The following PLXNA4 variants were observed in gnomAD, a reference collection of about 807,000 sequenced individuals.
PLXNA4 encodes the protein plexin-A4.
A neutral mutation model predicts 191.8 loss-of-function variants in PLXNA4; 44 were observed. That is an observed-to-expected ratio of 0.23 (90% CI 0.18 to 0.29). The LOEUF is 0.29. PLXNA4 is among the 10% of genes least tolerant of loss of function. PLXNA4 has a pLI of 1.00. For synonymous variants in PLXNA4, 1,082 were observed against 1,009.5 expected, an observed-to-expected ratio of 1.07 and a Z score of -1.36; for missense variants, 1,800 against 2,488.8, an observed-to-expected ratio of 0.72 and a Z score of 5.89.
At chr7:132,191,499 G>A (rs1000231133) in intron 14 of PLXNA4, among the ~76,000 whole-genome samples, 1 of 152,278 alleles carries the variant, frequency 6.6e-6, no homozygotes, top group South Asian at 2.1e-4. Context: ...GCCTGACTGG[G>A]GAAGCAGGGC....
intron 20 of PLXNA4, among the ~76,000 whole-genome samples, chr7:132,177,552 G>A (rs571663816): frequency 1.2e-4 from 18 of 152,312 alleles, no homozygotes; most frequent in South Asian, 2.1e-4. Flanking sequence ...GTTTCCTCCT[G>A]GGGCCTCAGC....
intron 2 of PLXNA4, among the ~76,000 whole-genome samples, chr7:132,631,536 A>G (rs1803490203): frequency 6.6e-6 from 1 of 152,174 alleles, no homozygotes; most frequent in African/African-American, 2.4e-5. Flanking sequence ...GAATGAACAC[A>G]TTGACTAGTG....
At chr7:132,384,091 T>G (rs1755366608) in intron 3 of PLXNA4, 2 of 985,464 alleles carry the variant, frequency 2.0e-6, no homozygotes, top group East Asian at 2.3e-4. Flanking sequence ...GGACTCACTT[T>G]CAGTGCAAGC....
intron 4 of PLXNA4, among the ~76,000 whole-genome samples, chr7:132,292,097 C>A (rs17166309): frequency 0.35 from 52,577 of 152,090 alleles, 9,598 homozygotes; most frequent in African/African-American, 0.46. Context: ...ACTCAGCCCC[C>A]AGGAAAGTTT....
intron 1 of PLXNA4, among the ~76,000 whole-genome samples, chr7:132,574,864 G>A (rs1044738480): frequency 7.2e-5 from 11 of 152,124 alleles, no homozygotes; most frequent in Admixed American, 7.2e-4. Context: ...CCCAAATTCT[G>A]AGCCTAGCAC....
intron 3 of PLXNA4, among the ~76,000 whole-genome samples, chr7:132,323,939 A>G (rs902289890): frequency 2.0e-5 from 3 of 152,136 alleles, no homozygotes; most frequent in African/African-American, 7.2e-5. Flanking sequence ...GGTGCAAACT[A>G]ATTTGGCTAC....
intron 20 of PLXNA4, among the ~76,000 whole-genome samples, chr7:132,175,761 C>T (rs1796437205): frequency 6.6e-6 from 1 of 152,244 alleles, no homozygotes; most frequent in African/African-American, 2.4e-5. Context: ...GTGAGGCACC[C>T]AGCCCTTCCC....
intron 25 of PLXNA4, among the ~76,000 whole-genome samples, chr7:132,149,619 G>A (rs553901846): frequency 6.6e-6 from 1 of 152,330 alleles, no homozygotes; most frequent in Admixed American, 6.5e-5. Context: ...GTGTGTTCCA[G>A]CCAAGAAGCC....
At chr7:132,545,775 A>G (rs1434322970) in intron 1 of PLXNA4, among the ~76,000 whole-genome samples, 2 of 152,240 alleles carry the variant, frequency 1.3e-5, no homozygotes, top group Non-Finnish European at 2.9e-5. Flanking sequence ...GGAGGCTAAG[A>G]AAAACCAGTG....
intron 2 of PLXNA4, among the ~76,000 whole-genome samples, chr7:132,590,171 T>C (rs1802580650): frequency 6.6e-6 from 1 of 152,218 alleles, no homozygotes; most frequent in African/African-American, 2.4e-5. Context: ...TTATGCTATA[T>C]GAACCAAGCC....
At chr7:132,514,392 T>C (rs890781860) in intron 1 of PLXNA4, among the ~76,000 whole-genome samples, 1 of 152,092 alleles carries the variant, frequency 6.6e-6, no homozygotes, top group Non-Finnish European at 1.5e-5. Context: ...AAACTACATA[T>C]TGAATGTGAT....
In PLXNA4 at chr7:132,574,923, T is replaced by G. The variant is rs376110347; in HGVS notation, c.-87+1499A>C. On this transcript the variant is annotated intron_variant, in intron 1 of 31. Transcript: ENST00000321063. Reference sequence around the variant, plus strand: ...TGTTTGCTCCTCTTCCATCATGTTCTGTAAGGCTCCTAACATATTTTTTCC... The same window carrying G: ...TGTTTGCTCCTCTTCCATCATGTTCGGTAAGGCTCCTAACATATTTTTTCC... 3.9e-5 allele frequency among the ~76,000 whole-genome samples: 6 copies of G among 152,350 alleles called. No homozygotes were observed. In the East Asian group the frequency reaches 1.2e-3, roughly 29 times the overall value.
chr7:132,212,582 A>C (rs999832237), intron 9 of PLXNA4, among the ~76,000 whole-genome samples: 10 of 152,088 alleles, frequency 6.6e-5, no homozygotes, highest in Non-Finnish European at 1.2e-4. Flanking sequence ...AACCATCTTA[A>C]CTCATCATGA....
At chr7:132,200,752 G>T (rs1315706069) in intron 12 of PLXNA4, among the ~76,000 whole-genome samples, 1 of 152,208 alleles carries the variant, frequency 6.6e-6, no homozygotes, top group Non-Finnish European at 1.5e-5. Context: ...ATTTGTGAGT[G>T]GGGGTATGAA....
chr7:132,562,832 C>T (rs370548895), intron 1 of PLXNA4, among the ~76,000 whole-genome samples: 64 of 77,856 alleles, frequency 8.2e-4, no homozygotes, highest in East Asian at 1.7e-3. Flanking sequence ...CCTCCTTCTC[C>T]TCCTCCTTCT....
intron 2 of PLXNA4, among the ~76,000 whole-genome samples, chr7:132,641,548 G>C (rs1803743463): frequency 6.6e-6 from 1 of 152,130 alleles, no homozygotes; most frequent in Non-Finnish European, 1.5e-5. Flanking sequence ...GCTCCAACAT[G>C]TGACTTTAAG....
chr7:132,589,729 G>A (rs1802571313), intron 2 of PLXNA4, among the ~76,000 whole-genome samples: 2 of 152,240 alleles, frequency 1.3e-5, no homozygotes, highest in Admixed American at 6.5e-5. Flanking sequence ...GGGGTGAGAT[G>A]TAATGAGTGA....
At chr7:132,564,500 C>T (rs971349886) in intron 1 of PLXNA4, among the ~76,000 whole-genome samples, 1 of 152,084 alleles carries the variant, frequency 6.6e-6, no homozygotes, top group African/African-American at 2.4e-5. Context: ...CCTCTTCATG[C>T]CCCAGTCTCA....
chr7:132,459,767 T>C (rs1796435189), intron 3 of PLXNA4, among the ~76,000 whole-genome samples: 2 of 152,308 alleles, frequency 1.3e-5, no homozygotes, highest in Admixed American at 6.5e-5. Flanking sequence ...GATCCTAATA[T>C]ACAATATCCC....
Sources: gnomAD v4.1 joint callset for allele counts (sites outside exome capture counted in the v4.1 genomes callset) on GRCh38, gnomAD v4.1.1 for gene constraint, MANE v1.5 for transcripts, NCBI Gene and HGNC (gene_info 2026-07-23, HGNC 2026-07-21) for gene names.